The following CDH20 variants were observed in gnomAD, a reference collection of about 807,000 sequenced individuals.
CDH20 encodes cadherin 20.
CDH20 carries 29 observed loss-of-function variants against 74.2 expected under a neutral mutation model. The observed-to-expected ratio is 0.39, with a 90% CI of 0.29 to 0.53. CDH20 has a LOEUF of 0.53. Among genes scored for constraint, CDH20 ranks in the 20% least tolerant of loss-of-function variants. The pLI, the probability that CDH20 is intolerant of heterozygous loss-of-function variation, is 0.69. For missense variants in CDH20, 988 were observed against 1,048.3 expected (o/e 0.94, Z 0.79); for synonymous variants, 469 against 405.4 (o/e 1.16, Z -1.88).
intron 1 of CDH20, among the ~76,000 whole-genome samples, chr18:61,345,902 G>A (rs1910101976): frequency 6.6e-6 from 1 of 152,170 alleles, no homozygotes; most frequent in Non-Finnish European, 1.5e-5. Context: ...AAACAGGGGT[G>A]CCACCCTTTC....
At chr18:61,339,543 G>T (rs147506995) in intron 1 of CDH20, among the ~76,000 whole-genome samples, 1 of 151,776 alleles carries the variant, frequency 6.6e-6, no homozygotes, top group South Asian at 2.1e-4. Context: ...CCATCTTTAC[G>T]TTCATGTATT....
intron 1 of CDH20, among the ~76,000 whole-genome samples, chr18:61,377,906 C>A (rs2144172635): frequency 6.6e-6 from 1 of 152,194 alleles, no homozygotes; most frequent in African/African-American, 2.4e-5. Flanking sequence ...CAACTAATGA[C>A]TTATTTACTT....
rs529808904 is a variant in CDH20, at chr18:61,500,317, G to C, written c.542-66G>C. Reference sequence around the variant, plus strand: ...ATTTGCAAATGCTTTAAGATGGACCGCTCAGGATTGCATCCAGCCTTTAGC... The same window carrying C: ...ATTTGCAAATGCTTTAAGATGGACCCCTCAGGATTGCATCCAGCCTTTAGC... On this transcript the variant is annotated intron_variant, in intron 3 of 11. Coordinates refer to ENST00000262717, the MANE Select transcript of CDH20 (RefSeq NM_031891.4). 99 of 1,539,038 alleles carry C rather than the reference G, an allele frequency of 6.4e-5. No homozygotes were observed. In the African/African-American group the frequency reaches 9.6e-4, roughly 15 times the overall value.
Position 61,468,701 on chromosome 18 carries a change from G to A in CDH20, c.-152-21701G>A, listed in dbSNP as rs1395057651. Among the ~76,000 whole-genome samples the A allele has an allele frequency of 5.3e-5, 8 of 152,070 alleles. No individual in the cohort carries two copies. The South Asian group carries it at 6.2e-4, about 12-fold the overall frequency. The stretch of plus-strand genomic sequence containing the variant: ...GGGAACTCGCCTTACTGTAAGCATC[G>A]CTTCCATTGCAGCAAGCTGGCTATG... On this transcript the variant is annotated intron_variant, in intron 1 of 11. Transcript: ENST00000262717.
At chr18:61,401,931 T>C (rs1912168695) in intron 1 of CDH20, among the ~76,000 whole-genome samples, 1 of 152,082 alleles carries the variant, frequency 6.6e-6, no homozygotes, top group Non-Finnish European at 1.5e-5. Flanking sequence ...TTGGCAAAAA[T>C]TCACATGAAT....
At chr18:61,339,701 T>TTTTTTTTTTTTTC (rs58434671) in intron 1 of CDH20, among the ~76,000 whole-genome samples, 2 of 122,944 alleles carry the variant, frequency 1.6e-5, no homozygotes, top group Admixed American at 1.0e-4. Context: ...TTTTTTTTTT[T>TTTTTTTTTTTTTC]TTTTGAGATG....
At chr18:61,533,207 C>T (rs1421524399) in intron 7 of CDH20, among the ~76,000 whole-genome samples, 1 of 152,100 alleles carries the variant, frequency 6.6e-6, no homozygotes, top group African/African-American at 2.4e-5. Flanking sequence ...ACTCAGGAGG[C>T]TGAGGCGGAA....
At position 61,502,973 on chromosome 18, in the gene CDH20, A is replaced by G. The variant is rs1039079095; in HGVS notation, c.682A>G (p.Met228Val). Reference protein sequence around the residue: ...SKTGVIRTALMNMDREAKEYY... With the variant: ...SKTGVIRTALVNMDREAKEYY... ...TCCAGGTGTAATTAGGACAGCGCTC[A>G]TGAACATGGACAGAGAAGCCAAAGA... Residue 228 changes from methionine (M) to valine (V), a missense_variant, in exon 5 of 12, where the codon ATG (methionine) becomes GTG (valine). Physicochemically the swap from Met to Val is conservative, Grantham distance 21. Transcript: ENST00000262717. 3 of 1,612,890 alleles carry G rather than the reference A, an allele frequency of 1.9e-6. No individual in the cohort carries two copies. Among genetic ancestry groups the G allele is most frequent in the Non-Finnish European group, 2.5e-6 (3 of 1,179,614 alleles).
chr18:61,390,188 A>C (rs192417907), intron 1 of CDH20, among the ~76,000 whole-genome samples: 63 of 152,314 alleles, frequency 4.1e-4, no homozygotes, highest in African/African-American at 1.5e-3. Flanking sequence ...CAGTACTCGA[A>C]ACAGCACCCA....
chr18:61,555,538 G>A lies in CDH20; in HGVS notation c.*843G>A. ...CTACAAATGAAAGCCAAATAAAAAAGAAGTATCTGACAAAAGCATGGGTTA... is the reference window on the plus strand; with the variant it reads ...CTACAAATGAAAGCCAAATAAAAAAAAAGTATCTGACAAAAGCATGGGTTA... On this transcript the variant is annotated 3_prime_UTR_variant, in exon 12 of 12. Transcript: ENST00000262717. The A allele has an allele frequency of 2.0e-6, 2 of 985,362 alleles. No individual in the cohort carries two copies. Among genetic ancestry groups the A allele is most frequent in the Non-Finnish European group, 2.4e-6 (2 of 829,908 alleles). The allele number at this position is 985,362 out of a possible 1,614,324, so 61.0% of individuals were successfully genotyped here. A position where few individuals can be genotyped will look rare whatever the true frequency, so the allele number is the denominator to read the frequency against.
chr18:61,554,912 C>T lies in CDH20; in HGVS notation c.*217C>T. On this transcript the variant is annotated 3_prime_UTR_variant, in exon 12 of 12. Coordinates refer to ENST00000262717, the MANE Select transcript of CDH20 (RefSeq NM_031891.4). ...GGAAGAGGGCAGAATCTTTAATTAC[C>T]TTTTTTTCTTTTCTTTTTGATTTTT... The T allele has an allele frequency of 7.3e-7, 1 of 1,373,618 alleles. No individual in the cohort carries two copies. The highest frequency in any genetic ancestry group is 9.4e-7 in the Non-Finnish European group (1 of 1,065,464). 85.1% of individuals were successfully genotyped at this position (1,373,618 alleles called of 1,614,324 possible). A position where few individuals can be genotyped will look rare whatever the true frequency, so the allele number is the denominator to read the frequency against.
intron 1 of CDH20, among the ~76,000 whole-genome samples, chr18:61,485,044 G>A (rs1433973042): frequency 6.6e-6 from 1 of 152,168 alleles, no homozygotes; most frequent in African/African-American, 2.4e-5. Context: ...AGCCTCAGGA[G>A]TGCCACCATT....
In CDH20 at chr18:61,495,063, T is replaced by C. The variant is rs564730413; in HGVS notation, c.247-4123T>C. ...GATTAGGATAAGTGAGACATTCACT[T>C]GTCTTATTCTGCCTAAAATATTTTT... On this transcript the variant is annotated intron_variant, in intron 2 of 11. Coordinates refer to ENST00000262717, the MANE Select transcript of CDH20 (RefSeq NM_031891.4). Among the ~76,000 whole-genome samples the C allele has an allele frequency of 3.3e-5, 5 of 152,340 alleles. No individual in the cohort carries two copies. The East Asian group carries it at 9.6e-4, about 29-fold the overall frequency.
At chr18:61,335,692 A>C (rs1318406985) in intron 1 of CDH20, among the ~76,000 whole-genome samples, 2 of 152,172 alleles carry the variant, frequency 1.3e-5, no homozygotes, top group African/African-American at 4.8e-5. Flanking sequence ...AGTTGTCGTG[A>C]GATGATCTAA....
chr18:61,368,387 A>G (rs995348068), intron 1 of CDH20, among the ~76,000 whole-genome samples: 3 of 131,066 alleles, frequency 2.3e-5, no homozygotes, highest in African/African-American at 8.7e-5. Context: ...GGTGCCTTAG[A>G]TATTTTAGAT....
chr18:61,538,588 GTTTGT>G (rs1350912849), intron 8 of CDH20, among the ~76,000 whole-genome samples: 5 of 55,100 alleles, frequency 9.1e-5, no homozygotes, highest in South Asian at 6.6e-4. Context: ...CTTTTTGTTT[GTTTGT>G]TTGTTTTTGT....
chr18:61,521,429 A>T (rs1912203836), intron 6 of CDH20, among the ~76,000 whole-genome samples: 1 of 151,330 alleles, frequency 6.6e-6, no homozygotes, highest in South Asian at 2.1e-4. Context: ...TGAGGCAATA[A>T]TTGAGGCCTA....
intron 1 of CDH20, among the ~76,000 whole-genome samples, chr18:61,472,952 C>A (rs1599109041): frequency 1.3e-5 from 2 of 152,192 alleles, no homozygotes; most frequent in East Asian, 3.8e-4. Context: ...GTTGTGTACA[C>A]AGCACTAGTT....
At chr18:61,533,109 G>A (rs1257542213) in intron 7 of CDH20, among the ~76,000 whole-genome samples, 2 of 152,052 alleles carry the variant, frequency 1.3e-5, no homozygotes, top group Non-Finnish European at 2.9e-5. Flanking sequence ...GGGCAACACA[G>A]GCTGTTTAAA....
Sources: gnomAD v4.1 joint callset for allele counts (sites outside exome capture counted in the v4.1 genomes callset) on GRCh38, gnomAD v4.1.1 for gene constraint, MANE v1.5 for transcripts, NCBI Gene and HGNC (gene_info 2026-07-23, HGNC 2026-07-21) for gene names.